Variants in SLC22A16 observed in about 807,000 individuals in gnomAD.
The protein encoded by SLC22A16 is WUGSC:RG331P03.1.
Under a neutral mutation model 52.9 loss-of-function variants are expected in SLC22A16, and 53 were observed. The observed-to-expected ratio is 1.00, with a 90% CI of 0.80 to 1.26. SLC22A16 has a LOEUF of 1.26. Among genes scored for constraint, SLC22A16 ranks in the 50% most tolerant of loss-of-function variants. The pLI is 0.00. For synonymous variants in SLC22A16, 291 were observed against 268.8 expected (o/e 1.08, Z -0.81); for missense variants, 726 against 704.0 (o/e 1.03, Z -0.35).
chr6:110,431,136 G>T, intron 7 of SLC22A16, 35 bp downstream of exon 7: 1 of 1,563,352 alleles, frequency 6.4e-7, no homozygotes, highest in Non-Finnish European at 8.8e-7. Context: ...CTGCCTCCGT[G>T]CCCCCTTGGG....
chr6:110,472,890 G>C (rs899251860), intron 1 of SLC22A16, among the ~76,000 whole-genome samples: 2 of 152,204 alleles, frequency 1.3e-5, no homozygotes, highest in South Asian at 4.1e-4. Flanking sequence ...TCTGAGTGAC[G>C]GATGAAGAAA....
intron 5 of SLC22A16, among the ~76,000 whole-genome samples, chr6:110,436,349 G>T (rs940665858): frequency 6.6e-6 from 1 of 152,208 alleles, no homozygotes; most frequent in Non-Finnish European, 1.5e-5. Flanking sequence ...TGTGAGCCGG[G>T]CCTAATGGCT....
At position 110,476,592 on chromosome 6, in the gene SLC22A16, G is replaced by C. The variant is rs574631616; in HGVS notation, c.-18C>G. 105 of 1,525,828 alleles carry C rather than the reference G, an allele frequency of 6.9e-5. No individual in the cohort carries two copies. The African/African-American group carries it at 1.3e-3, about 20-fold the overall frequency. 94.5% of individuals were successfully genotyped at this position (1,525,828 alleles called of 1,614,324 possible). On this transcript the variant is annotated 5_prime_UTR_variant, in exon 1 of 8. Transcript: ENST00000368919. The stretch of plus-strand genomic sequence containing the variant: ...GACCCCATGGTGCGGCCGTGCACTG[G>C]GCGCCGAGTTAGCCGAGCTCCGGGG...
chr6:110,461,272 G>T (rs1326852022), intron 1 of SLC22A16, among the ~76,000 whole-genome samples: 1 of 152,178 alleles, frequency 6.6e-6, no homozygotes, highest in Non-Finnish European at 1.5e-5. Context: ...CACAATCGAA[G>T]CCTTCTCACA....
At chr6:110,438,600 TTA>T in intron 5 of SLC22A16, 118 bp downstream of exon 5, 1 of 1,052,840 alleles carries the variant, frequency 9.5e-7, no homozygotes, top group Non-Finnish European at 1.3e-6. Flanking sequence ...TTTTTAAATA[TTA>T]TATACTCTGC....
chr6:110,434,538 A>G (rs1774638166), intron 6 of SLC22A16, among the ~76,000 whole-genome samples: 1 of 146,546 alleles, frequency 6.8e-6, no homozygotes, highest in African/African-American at 2.5e-5. Context: ...TTCCAAGTAA[A>G]ATGTGTTTGG....
intron 2 of SLC22A16, among the ~76,000 whole-genome samples, chr6:110,449,807 T>A (rs1270390222): frequency 1.3e-5 from 2 of 152,224 alleles, no homozygotes; most frequent in Non-Finnish European, 2.9e-5. Context: ...ACATCATTCA[T>A]CCCACTAGCT....
At chr6:110,441,712 G>C (rs963049949) in intron 4 of SLC22A16, among the ~76,000 whole-genome samples, 13 of 152,198 alleles carry the variant, frequency 8.5e-5, no homozygotes, top group African/African-American at 3.1e-4. Context: ...ATGACAATGG[G>C]CATGCTCATT....
chr6:110,444,657 GC>G (rs1775099204), intron 3 of SLC22A16, among the ~76,000 whole-genome samples: 1 of 152,154 alleles, frequency 6.6e-6, no homozygotes, highest in Admixed American at 6.6e-5. Flanking sequence ...GGATATTCCT[GC>G]TGTCAGAAAG....
chr6:110,437,897 G>T (rs544764422), intron 5 of SLC22A16, among the ~76,000 whole-genome samples: 66 of 152,240 alleles, frequency 4.3e-4, no homozygotes, highest in African/African-American at 1.5e-3. Context: ...GCTCCTTGGG[G>T]TGTTTATGCG....
Position 110,454,613 on chromosome 6 carries a change from T to A in SLC22A16, c.533+1925A>T, listed in dbSNP as rs1352574188. 3.9e-3 allele frequency among the ~76,000 whole-genome samples: 318 copies of A among 81,866 alleles called. 4 individuals carry two copies. The highest frequency in any genetic ancestry group is 0.019 in the African/African-American group (304 of 15,742). 53.7% of individuals were successfully genotyped at this position (81,866 alleles called of 152,430 possible). On this transcript the variant is annotated intron_variant, in intron 2 of 7. Transcript: ENST00000368919. The stretch of plus-strand genomic sequence containing the variant: ...TATATATTTATATATATTATATATT[T>A]TATATATAATATATATTTATATATA...
intron 1 of SLC22A16, among the ~76,000 whole-genome samples, chr6:110,475,210 C>T (rs1343777287): frequency 1.3e-5 from 2 of 152,144 alleles, no homozygotes; most frequent in African/African-American, 2.4e-5. Context: ...GCTGAGGAGC[C>T]GTCACCTAAC....
rs1225254505 is a variant in SLC22A16 at position 110,446,978 on chromosome 6, C to T, written c.546G>A (p.Arg182=). Residue 182 remains arginine, a synonymous_variant, in exon 3 of 8, where the codon CGG becomes CGA. Coordinates refer to ENST00000368919, the MANE Select transcript of SLC22A16 (RefSeq NM_033125.4). ...FGYFSDRLGR[R]VVLWATSSSM... ...TACTGCTTGTGGCCCACAAGACCAC[C>T]CGGCGTCCTAGCCTGAAAAATAAGA... 22 of 1,613,182 alleles carry T rather than the reference C, an allele frequency of 1.4e-5. No homozygotes were observed. Among genetic ancestry groups the T allele is most frequent in the Non-Finnish European group, 1.7e-6 (2 of 1,179,736 alleles).
At chr6:110,475,664 T>C (rs1224598256) in intron 1 of SLC22A16, among the ~76,000 whole-genome samples, 2 of 152,060 alleles carry the variant, frequency 1.3e-5, no homozygotes, top group East Asian at 3.9e-4. Context: ...ATATCAGAGG[T>C]AAGTAGCAGG....
chr6:110,446,441 G>T (rs541085973), intron 3 of SLC22A16, among the ~76,000 whole-genome samples: 1 of 152,074 alleles, frequency 6.6e-6, no homozygotes, highest in Non-Finnish European at 1.5e-5. Flanking sequence ...ATTCAAACTC[G>T]TGCCCTTTCC....
Position 110,442,454 on chromosome 6 carries a change from G to C in SLC22A16, c.973C>G (p.Leu325Val). The C allele has an allele frequency of 6.2e-7, 1 of 1,614,210 alleles. No homozygotes were observed. The highest frequency in any genetic ancestry group is 8.5e-7 in the Non-Finnish European group (1 of 1,180,044). ...NRASSCKLSE[L>V]LSLDLQGPVS... ...GGACCTTGTAGGTCCAGTGATAAAA[G>C]TTCTGACAGTTTACAGGAGCTTGCC... Residue 325 changes from leucine to valine, a missense_variant, in exon 4 of 8, where the codon CTT becomes GTT. Physicochemically the swap from Leu to Val is conservative, Grantham distance 32. Coordinates refer to ENST00000368919, the MANE Select transcript of SLC22A16 (RefSeq NM_033125.4).
At chr6:110,446,287 G>T (rs565737608) in intron 3 of SLC22A16, among the ~76,000 whole-genome samples, 6 of 152,148 alleles carry the variant, frequency 3.9e-5, no homozygotes, top group Non-Finnish European at 8.8e-5. Flanking sequence ...GTGCTGTACT[G>T]CGGTTGTTTA....
At chr6:110,468,745 C>G (rs756706269) in intron 1 of SLC22A16, among the ~76,000 whole-genome samples, 2 of 151,986 alleles carry the variant, frequency 1.3e-5, no homozygotes, top group Non-Finnish European at 2.9e-5. Context: ...TGGGCAGGAA[C>G]AGTAGGCTGA....
chr6:110,466,773 G>T (rs1029471058), intron 1 of SLC22A16, among the ~76,000 whole-genome samples: 3 of 152,048 alleles, frequency 2.0e-5, no homozygotes, highest in Non-Finnish European at 4.4e-5. Context: ...CCCACTACTG[G>T]GTATTTACCC....
Sources: gnomAD v4.1 joint callset for allele counts (sites outside exome capture counted in the v4.1 genomes callset) on GRCh38, gnomAD v4.1.1 for gene constraint, MANE v1.5 for transcripts, NCBI Gene and HGNC (gene_info 2026-07-23, HGNC 2026-07-21) for gene names.